Variants in ARFIP1 observed in about 807,000 individuals in gnomAD.
ARFIP1 encodes the protein arfaptin-1.
Under a neutral mutation model 42.5 loss-of-function variants are expected in ARFIP1, and 24 were observed. That is an observed-to-expected ratio of 0.57 (90% CI 0.41 to 0.80). ARFIP1 has a LOEUF of 0.80. ARFIP1 is among the 30% of genes least tolerant of loss of function. ARFIP1 has a pLI of 0.00. For missense variants in ARFIP1, 354 were observed against 434.0 expected, an observed-to-expected ratio of 0.82 and a Z score of 1.64; for synonymous variants, 141 against 153.7, an observed-to-expected ratio of 0.92 and a Z score of 0.61.
At chr4:152,805,221 A>G (rs1273943412) in intron 1 of ARFIP1, among the ~76,000 whole-genome samples, 1 of 152,228 alleles carries the variant, frequency 6.6e-6, no homozygotes, top group Non-Finnish European at 1.5e-5. Context: ...TATTCCATTT[A>G]TCTACTTCCT....
chr4:152,904,198 A>ATT (rs36092561), intron 8 of ARFIP1, among the ~76,000 whole-genome samples: 2,152 of 126,640 alleles, frequency 0.017, 41 homozygotes, highest in African/African-American at 0.042. Flanking sequence ...ATATATATAT[A>ATT]TTTTTTTTTT....
chr4:152,867,771 A>G (rs1338657372), intron 3 of ARFIP1, among the ~76,000 whole-genome samples: 1 of 152,156 alleles, frequency 6.6e-6, no homozygotes, highest in Non-Finnish European at 1.5e-5. Context: ...AAGAAAATAT[A>G]TTTCGTGATA....
At chr4:152,909,942 A>G in intron 8 of ARFIP1, 122 bp from the exon 9 acceptor site, 3 of 1,289,020 alleles carry the variant, frequency 2.3e-6, no homozygotes, top group Admixed American at 2.2e-5. Flanking sequence ...ATACTTGGTC[A>G]TTATTAAGCC....
At chr4:152,864,467 G>A (rs1397784624) in intron 3 of ARFIP1, among the ~76,000 whole-genome samples, 1 of 152,188 alleles carries the variant, frequency 6.6e-6, no homozygotes, top group Non-Finnish European at 1.5e-5. Context: ...GGAAAACTAG[G>A]CATAAGCTTC....
In ARFIP1 at chr4:152,881,133, G is replaced by T; in HGVS notation, c.582G>T (p.Arg194Ser). The T allele has an allele frequency of 6.2e-7, 1 of 1,613,696 alleles. No homozygotes were observed. Among genetic ancestry groups the T allele is most frequent in the Non-Finnish European group, 8.5e-7 (1 of 1,179,860 alleles). The change falls in exon 6 of 9, where the codon AGG becomes AGT. Residue 194 changes from arginine (R) to serine (S), a missense_variant. Transcript: ENST00000353617. Reference protein sequence around the residue: ...TQLFQMVHTQRQLGDAFADLS... With the variant: ...TQLFQMVHTQSQLGDAFADLS... The stretch of plus-strand genomic sequence containing the variant: ...TTTTCCAGATGGTACATACCCAAAG[G>T]CAACTTGGAGATGCATTTGCTGACC...
intron 2 of ARFIP1, among the ~76,000 whole-genome samples, chr4:152,837,214 A>G (rs1731723857): frequency 6.6e-6 from 1 of 152,098 alleles, no homozygotes; most frequent in South Asian, 2.1e-4. Flanking sequence ...TGATTTTGCT[A>G]TTGTGAATTG....
At chr4:152,887,082 T>C (rs1389815559) in intron 7 of ARFIP1, among the ~76,000 whole-genome samples, 4 of 152,012 alleles carry the variant, frequency 2.6e-5, no homozygotes, top group African/African-American at 9.7e-5. Flanking sequence ...TTTTAGGGTA[T>C]AAGCTTTGTG....
rs1034290954 is a variant in ARFIP1 at position 152,910,416 on chromosome 4, A to G, written c.*197A>G. ...TGGTTTTAATGTAAACATAGTTTCT[A>G]TAATCTGAACACAATAATTTTCCTT... On this transcript the variant is annotated 3_prime_UTR_variant, in exon 9 of 9. Transcript: ENST00000353617. 1.1e-5 allele frequency: 6 copies of G among 553,226 alleles called. No individual in the cohort carries two copies. The Admixed American group carries it at 1.5e-4, about 14-fold the overall frequency. 34.3% of individuals were successfully genotyped at this position (553,226 alleles called of 1,614,324 possible).
chr4:152,848,535 C>T (rs1732739204), intron 2 of ARFIP1, among the ~76,000 whole-genome samples: 1 of 152,182 alleles, frequency 6.6e-6, no homozygotes, highest in African/African-American at 2.4e-5. Context: ...GTCGTTTCTT[C>T]ATTCCCTTGT....
At chr4:152,902,686 GCT>G (rs1737946868) in intron 8 of ARFIP1, among the ~76,000 whole-genome samples, 1 of 152,144 alleles carries the variant, frequency 6.6e-6, no homozygotes, top group Non-Finnish European at 1.5e-5. Flanking sequence ...TGGGCTGATA[GCT>G]TAAATATAGA....
At chr4:152,847,169 C>T (rs1482458741) in intron 2 of ARFIP1, among the ~76,000 whole-genome samples, 3 of 96,978 alleles carry the variant, frequency 3.1e-5, no homozygotes, top group East Asian at 3.1e-4. Context: ...CTCACTCTGT[C>T]GCCCCCAGGC....
intron 2 of ARFIP1, among the ~76,000 whole-genome samples, chr4:152,846,829 A>C (rs1352050379): frequency 6.6e-6 from 1 of 152,138 alleles, no homozygotes; most frequent in East Asian, 1.9e-4. Context: ...TTAAAAGTTT[A>C]GTCTGTTACA....
chr4:152,808,866 C>T lies in ARFIP1; in HGVS notation c.-9-20759C>T, dbSNP rs59339570. On this transcript the variant is annotated intron_variant, in intron 1 of 8. Coordinates refer to ENST00000353617, the MANE Select transcript of ARFIP1 (RefSeq NM_001025595.3). The stretch of plus-strand genomic sequence containing the variant: ...TGCAGATCATCTGAGGATGGGAGTT[C>T]AAGACCAACTTGACCAATATGGTGA... Among the ~76,000 whole-genome samples the T allele has an allele frequency of 4.4e-3, 675 of 152,212 alleles. 4 individuals carry two copies. The highest frequency in any genetic ancestry group is 0.015 in the African/African-American group (633 of 41,526).
chr4:152,858,021 T>G (rs1733579264), intron 2 of ARFIP1, among the ~76,000 whole-genome samples: 1 of 152,034 alleles, frequency 6.6e-6, no homozygotes, highest in Admixed American at 6.6e-5. Flanking sequence ...GCCACCCCTG[T>G]TGGGTCACAC....
intron 3 of ARFIP1, among the ~76,000 whole-genome samples, chr4:152,867,161 T>TTGTAGCGA (rs1315104952): frequency 1.3e-5 from 2 of 151,588 alleles, no homozygotes; most frequent in East Asian, 3.9e-4. Context: ...GAGGTGGAGG[T>TTGTAGCGA]TGTAGCGAGC....
At chr4:152,785,560 C>T (rs1346211779) in intron 1 of ARFIP1, among the ~76,000 whole-genome samples, 1 of 152,190 alleles carries the variant, frequency 6.6e-6, no homozygotes, top group African/African-American at 2.4e-5. Context: ...GCCTTGGCCT[C>T]CCAAAGTGCT....
chr4:152,816,378 C>T (rs1729889060), intron 1 of ARFIP1, among the ~76,000 whole-genome samples: 2 of 152,228 alleles, frequency 1.3e-5, no homozygotes, highest in African/African-American at 4.8e-5. Context: ...CCTCAAACCA[C>T]CTGGCCTTCT....
At chr4:152,866,724 C>T (rs1285860862) in intron 3 of ARFIP1, among the ~76,000 whole-genome samples, 9 of 151,178 alleles carry the variant, frequency 6.0e-5, no homozygotes, top group African/African-American at 2.2e-4. Context: ...GGCGGAGGGG[C>T]TCCTCACTTC....
chr4:152,910,152 T>A lies in ARFIP1; in HGVS notation c.1055T>A (p.Leu352His). The change falls in exon 9 of 9, where the codon CTT becomes CAT. Residue 352 changes from leucine (L) to histidine (H), a missense_variant. Transcript: ENST00000353617. ...AATCAGAAGCAGCTTGAACAGACAC[T>A]TAAACAGTTCCATATCAAATTGAAA... ...AGNQKQLEQT[L>H]KQFHIKLKTP... is the part of the protein sequence containing the mutation. The A allele has an allele frequency of 6.2e-7, 1 of 1,614,166 alleles. No individual in the cohort carries two copies. Among genetic ancestry groups the A allele is most frequent in the African/African-American group, 1.3e-5 (1 of 75,056 alleles).
Sources: allele counts gnomAD v4.1 joint callset (sites outside exome capture counted in the v4.1 genomes callset), GRCh38; gene constraint gnomAD v4.1.1; transcripts MANE v1.5; gene names NCBI Gene and HGNC (gene_info 2026-07-23, HGNC 2026-07-21).